Variants in HECW2 observed in about 807,000 individuals in gnomAD.
The protein encoded by HECW2 is HECT, C2 and WW domain containing E3 ubiquitin protein ligase 2, also known as E3 ubiquitin-protein ligase HECW2.
In HECW2, 61 loss-of-function variants were observed where a neutral mutation model predicts 175.2. The observed-to-expected ratio is 0.35, with a 90% confidence interval of 0.28 to 0.43. The LOEUF is 0.43. Ranked by LOEUF, HECW2 falls within the 20% of genes least tolerant of loss-of-function variation. HECW2 has a pLI of 1.00. For missense variants in HECW2, 1,524 were observed against 2,000.5 expected, an observed-to-expected ratio of 0.76 and a Z score of 4.54; for synonymous variants, 671 against 731.0, an observed-to-expected ratio of 0.92 and a Z score of 1.32.
chr2:196,404,611 C>T (rs534417309), intron 2 of HECW2, among the ~76,000 whole-genome samples: 1 of 152,200 alleles, frequency 6.6e-6, no homozygotes, highest in African/African-American at 2.4e-5. Context: ...TCTTTTGGCA[C>T]ATTTCTGCAT....
intron 2 of HECW2, among the ~76,000 whole-genome samples, chr2:196,411,759 C>T (rs911870572): frequency 5.9e-5 from 9 of 152,230 alleles, no homozygotes; most frequent in Non-Finnish European, 8.8e-5. Flanking sequence ...GCCTGTAATC[C>T]TAGCACTTTG....
At position 196,325,110 on chromosome 2, in the gene HECW2, T is replaced by C. The variant is rs748682407; in HGVS notation, c.611A>G (p.Asn204Ser). The part of the protein sequence containing the change: ...AVGLKKGMFF[N>S]PDPYLKMSIQ... ...TGACATCTTAAGATAAGGGTCAGGA[T>C]TGAAGAACATCCCTTTCTTTAGCCC... is the stretch of plus-strand genomic sequence containing the variant. The change falls in exon 6 of 29, where the codon AAT (asparagine) becomes AGT (serine). Residue 204 changes from asparagine to serine, a missense_variant. By Grantham distance (46) the Asn-to-Ser change is conservative. Transcript: ENST00000644978. 10 of 1,609,622 alleles carry C rather than the reference T, an allele frequency of 6.2e-6. No individual in the cohort carries two copies. Among genetic ancestry groups the C allele is most frequent in the East Asian group, 2.2e-5 (1 of 44,566 alleles).
chr2:196,365,990 C>G (rs1693733565), intron 2 of HECW2, among the ~76,000 whole-genome samples: 1 of 152,212 alleles, frequency 6.6e-6, no homozygotes, highest in African/African-American at 2.4e-5. Flanking sequence ...ACTTTTGCCA[C>G]TCTTCTACAG....
chr2:196,308,477 C>T lies in HECW2; in HGVS notation c.2435-392G>A, dbSNP rs553942358. On this transcript the variant is annotated intron_variant, in intron 10 of 28. Transcript: ENST00000644978. Reference sequence around the variant, plus strand: ...CCAAAAAAACCTGATTTCTCCATGTCTTTTCTAGCTTCAATGAAAGCCTCA... The same window carrying T: ...CCAAAAAAACCTGATTTCTCCATGTTTTTTCTAGCTTCAATGAAAGCCTCA... Among the ~76,000 whole-genome samples, 9 of 152,254 alleles carry T rather than the reference C, an allele frequency of 5.9e-5. No homozygotes were observed. The South Asian group carries it at 1.5e-3, about 25-fold the overall frequency.
At chr2:196,209,880 C>T (rs1310096051) in intron 28 of HECW2, among the ~76,000 whole-genome samples, 2 of 152,014 alleles carry the variant, frequency 1.3e-5, no homozygotes, top group Non-Finnish European at 2.9e-5. Context: ...TCTCCTGCCT[C>T]TGCCTCCCGA....
intron 13 of HECW2, among the ~76,000 whole-genome samples, chr2:196,298,189 C>T (rs1690890850): frequency 6.6e-6 from 1 of 152,068 alleles, no homozygotes; most frequent in African/African-American, 2.4e-5. Context: ...TTATGTATGA[C>T]ATTAATTAGA....
intron 5 of HECW2, 132 bp from the exon 6 acceptor site, chr2:196,325,281 C>A: frequency 2.1e-4 from 90 of 424,808 alleles, no homozygotes; most frequent in Middle Eastern, 6.8e-4. Context: ...ACAAGCAGCT[C>A]AAAGATAATT....
chr2:196,265,513 C>T (rs1689479168), intron 17 of HECW2, among the ~76,000 whole-genome samples: 1 of 151,936 alleles, frequency 6.6e-6, no homozygotes, highest in South Asian at 2.1e-4. Flanking sequence ...GAAAAGAGAT[C>T]CTAGATCCTA....
At chr2:196,435,773 C>T (rs897388225) in intron 1 of HECW2, among the ~76,000 whole-genome samples, 18 of 152,318 alleles carry the variant, frequency 1.2e-4, no homozygotes, top group Admixed American at 9.8e-4. Flanking sequence ...TCTGTTTCCC[C>T]ACCTATCCAG....
intron 1 of HECW2, among the ~76,000 whole-genome samples, chr2:196,555,994 A>G (rs1460989563): frequency 6.6e-6 from 1 of 152,198 alleles, no homozygotes. Context: ...CATCAAGGCC[A>G]CTTCCACTGG....
chr2:196,575,447 A>C (rs1690528298), intron 1 of HECW2, among the ~76,000 whole-genome samples: 3 of 152,172 alleles, frequency 2.0e-5, no homozygotes, highest in Admixed American at 6.5e-5. Flanking sequence ...TATCTCAAAA[A>C]GACATCCGCA....
intron 1 of HECW2, among the ~76,000 whole-genome samples, chr2:196,541,853 T>C (rs1393076143): frequency 6.6e-6 from 1 of 152,074 alleles, no homozygotes; most frequent in Non-Finnish European, 1.5e-5. Flanking sequence ...TTCAACATTT[T>C]CAATAGTATG....
At chr2:196,461,743 C>T (rs989387501) in intron 1 of HECW2, among the ~76,000 whole-genome samples, 1 of 152,098 alleles carries the variant, frequency 6.6e-6, no homozygotes, top group East Asian at 1.9e-4. Flanking sequence ...CAGACACCCA[C>T]AAAACCATCA....
chr2:196,441,380 A>AC lies in HECW2; in HGVS notation c.-35-7923_-35-7922insG, dbSNP rs1491249668. Reference sequence around the variant, plus strand: ...GACACAACATACAACACACACACACAAACACACACACACACACTTGTTCAA... The same window carrying AC: ...GACACAACATACAACACACACACACACAACACACACACACACACTTGTTCAA... On this transcript the variant is annotated intron_variant, in intron 1 of 28. Coordinates refer to ENST00000644978, the MANE Select transcript of HECW2 (RefSeq NM_001348768.2). 3.8e-3 allele frequency among the ~76,000 whole-genome samples: 164 copies of AC among 43,070 alleles called. 1 individual carries two copies. Among genetic ancestry groups the AC allele is most frequent in the South Asian group, 0.012 (12 of 1,034 alleles). The allele number at this position is 43,070 out of a possible 152,430, so 28.3% of individuals were successfully genotyped here. A position where few individuals can be genotyped will look rare whatever the true frequency, so the allele number is the denominator to read the frequency against.
intron 1 of HECW2, among the ~76,000 whole-genome samples, chr2:196,567,142 G>A (rs1690217055): frequency 6.6e-6 from 1 of 152,078 alleles, no homozygotes. Flanking sequence ...TCACAGACTG[G>A]GGTACAAATG....
At chr2:196,482,242 A>G (rs1686866354) in intron 1 of HECW2, among the ~76,000 whole-genome samples, 1 of 152,210 alleles carries the variant, frequency 6.6e-6, no homozygotes, top group African/African-American at 2.4e-5. Context: ...TCAAGGGCAT[A>G]AGTGTGCAAC....
At chr2:196,278,690 C>T (rs1053935134) in intron 14 of HECW2, 28 bp from the exon 15 acceptor site, 2 of 1,613,116 alleles carry the variant, frequency 1.2e-6, no homozygotes, top group African/African-American at 2.7e-5. Flanking sequence ...GAGTCAAATA[C>T]ATGCCGCTCA....
chr2:196,521,924 A>G (rs1688409066), intron 1 of HECW2, among the ~76,000 whole-genome samples: 1 of 151,812 alleles, frequency 6.6e-6, no homozygotes, highest in Non-Finnish European at 1.5e-5. Context: ...GCTATTGTGA[A>G]TAATGCCACA....
At chr2:196,467,255 A>C (rs928571011) in intron 1 of HECW2, among the ~76,000 whole-genome samples, 1 of 152,238 alleles carries the variant, frequency 6.6e-6, no homozygotes, top group African/African-American at 2.4e-5. Flanking sequence ...CTTCCAATAC[A>C]AAATTACTTC....
Sources: gnomAD v4.1 joint callset for allele counts (sites outside exome capture counted in the v4.1 genomes callset) on GRCh38, gnomAD v4.1.1 for gene constraint, MANE v1.5 for transcripts, NCBI Gene and HGNC (gene_info 2026-07-23, HGNC 2026-07-21) for gene names.